The following IL5RA variants were observed in gnomAD, a reference collection of about 807,000 sequenced individuals.
The protein encoded by IL5RA is interleukin 5 receptor subunit alpha, also known as interleukin-5 receptor subunit alpha.
IL5RA carries 49 observed loss-of-function variants against 50.0 expected under a neutral mutation model. The observed-to-expected ratio is 0.98, with a 90% CI of 0.78 to 1.24. The LOEUF is 1.24. IL5RA is among the 50% of genes most tolerant of loss of function. IL5RA has a pLI of 0.00. For missense variants in IL5RA, 600 were observed against 500.4 expected (o/e 1.20, Z -1.90); for synonymous variants, 202 against 174.0 (o/e 1.16, Z -1.26).
chr3:3,079,202 C>G (rs1263751194), intron 9 of IL5RA, among the ~76,000 whole-genome samples: 1 of 152,138 alleles, frequency 6.6e-6, no homozygotes, highest in African/African-American at 2.4e-5. Context: ...GAAGTCTTTT[C>G]CCAGGTTTTT....
intron 2 of IL5RA, among the ~76,000 whole-genome samples, chr3:3,105,793 G>A (rs1703894205): frequency 6.6e-6 from 1 of 152,224 alleles, no homozygotes; most frequent in Non-Finnish European, 1.5e-5. Flanking sequence ...CAAAAGTCTC[G>A]GCATCCTGTT....
intron 7 of IL5RA, among the ~76,000 whole-genome samples, chr3:3,096,732 A>T (rs1426620354): frequency 6.6e-6 from 1 of 152,214 alleles, no homozygotes; most frequent in Non-Finnish European, 1.5e-5. Context: ...TAAGAAATAT[A>T]TTACTGGAGA....
chr3:3,097,798 T>A (rs1171358664), intron 7 of IL5RA, 72 bp downstream of exon 7: 2 of 1,495,844 alleles, frequency 1.3e-6, no homozygotes, highest in Non-Finnish European at 1.8e-6. Context: ...CTAGGTGATC[T>A]TTATAACCCT....
rs1194836677 is a variant in IL5RA at position 3,092,103 on chromosome 3, A to C, written c.994+121T>G. ...TGAAAAGGCAGTAGACCGAGAGAAA[A>C]TTAGTCACAATAGAGATATGAAACC... On this transcript the variant is annotated intron_variant, in intron 9 of 11. Transcript: ENST00000446632. This position sits in a 1 kb window ranked among gnomAD's most constrained non-coding sequence, Gnocchi z 4.2. 2.0e-6 allele frequency: 3 copies of C among 1,464,410 alleles called. No homozygotes were observed. Among genetic ancestry groups the C allele is most frequent in the Non-Finnish European group, 2.7e-6 (3 of 1,114,060 alleles). 90.7% of individuals were successfully genotyped at this position (1,464,410 alleles called of 1,614,324 possible).
At chr3:3,101,959 A>G (rs569389771) in intron 4 of IL5RA, 129 bp from the exon 5 acceptor site, 2 of 804,848 alleles carry the variant, frequency 2.5e-6, no homozygotes, top group Admixed American at 3.1e-5. Context: ...GTTTTGCTAG[A>G]AAAAAAGTCA....
chr3:3,079,281 G>A (rs17880040), intron 9 of IL5RA, among the ~76,000 whole-genome samples: 2,098 of 152,196 alleles, frequency 0.014, 40 homozygotes, highest in African/African-American at 0.048. Context: ...AAACCTGCTC[G>A]GATGTTTCTC....
intron 11 of IL5RA, chr3:3,073,933 C>T: frequency 7.0e-6 from 2 of 285,842 alleles, no homozygotes; most frequent in South Asian, 6.3e-5. Flanking sequence ...ATTGTATTGG[C>T]ATAAAGATAG....
At chr3:3,103,019 C>G in intron 3 of IL5RA, 199 bp from the exon 4 acceptor site, 1 of 443,082 alleles carries the variant, frequency 2.3e-6, no homozygotes, top group Non-Finnish European at 4.0e-6. Context: ...GGACTACAGG[C>G]GCATGCCACC....
In IL5RA at chr3:3,076,497, C is replaced by A. The variant is rs371719318; in HGVS notation, c.1091+34G>T. ...CCTGTAAAAATGCAGTACTGAAACC[C>A]CACTGCAAGCACGCAAATGTAAAGA... is the stretch of plus-strand genomic sequence containing the variant. On this transcript the variant is annotated intron_variant, in intron 10 of 11. Transcript: ENST00000446632. 3.2e-5 allele frequency: 43 copies of A among 1,325,784 alleles called. No homozygotes were observed. The East Asian group carries it at 4.4e-4, about 13-fold the overall frequency. The allele number at this position is 1,325,784 out of a possible 1,614,324, so 82.1% of individuals were successfully genotyped here.
In IL5RA at chr3:3,101,700, G is replaced by A. The variant is rs756791707; in HGVS notation, c.359C>T (p.Ala120Val). 2.2e-5 allele frequency: 35 copies of A among 1,613,678 alleles called. No homozygotes were observed. Among genetic ancestry groups the A allele is most frequent in the Middle Eastern group, 1.6e-4 (1 of 6,070 alleles). ...ASSWASAELH[A>V]PPGSPGTSIV... The stretch of plus-strand genomic sequence containing the variant: ...TTGGAGGCCTGCTTTACCTGGTGGG[G>A]CATGAAGTTCAGCAGAAGCCCAGCT... Residue 120 changes from alanine to valine, a missense_variant, in exon 5 of 12, where the codon GCC (alanine) becomes GTC (valine). Physicochemically the swap from Ala to Val is moderately conservative, Grantham distance 64. Coordinates refer to ENST00000446632, the MANE Select transcript of IL5RA (RefSeq NM_175726.4).
At chr3:3,104,414 C>T (rs1178825836) in intron 3 of IL5RA, among the ~76,000 whole-genome samples, 2 of 152,188 alleles carry the variant, frequency 1.3e-5, no homozygotes, top group Non-Finnish European at 2.9e-5. Flanking sequence ...TGGCTAGTGG[C>T]TACTGCATTG....
In IL5RA at chr3:3,092,952, A is replaced by C. The variant is rs1574996248; in HGVS notation, c.856-590T>G. ...TTAGCTCTTATTATCTTTTGCTTGG[A>C]CCTTTGCAGTAGCCGCTAACTGATA... On this transcript the variant is annotated intron_variant, in intron 8 of 11. Coordinates refer to ENST00000446632, the MANE Select transcript of IL5RA (RefSeq NM_175726.4). The surrounding 1 kb of genome is among the most constrained non-coding windows in gnomAD (Gnocchi z 4.2). 6.6e-6 allele frequency among the ~76,000 whole-genome samples: 1 copy of C among 151,624 alleles called. No individual in the cohort carries two copies. The highest frequency in any genetic ancestry group is 2.4e-5 in the African/African-American group (1 of 41,240).
At chr3:3,106,064 T>G (rs750858156) in intron 2 of IL5RA, among the ~76,000 whole-genome samples, 23 of 152,154 alleles carry the variant, frequency 1.5e-4, no homozygotes, top group Non-Finnish European at 2.9e-5. Flanking sequence ...TCCATGGACG[T>G]TATTCCTACC....
At chr3:3,089,415 G>C (rs1702999754) in intron 9 of IL5RA, among the ~76,000 whole-genome samples, 1 of 152,212 alleles carries the variant, frequency 6.6e-6, no homozygotes, top group South Asian at 2.1e-4. Flanking sequence ...CTGTGTGTCA[G>C]ATCGGAGTCA....
At position 3,067,425 on chromosome 3, in the gene IL5RA, T is replaced by C. The variant is rs1214371945; in HGVS notation, c.*2800A>G. On this transcript the variant is annotated 3_prime_UTR_variant, in exon 12 of 12. Coordinates refer to ENST00000446632, the MANE Select transcript of IL5RA (RefSeq NM_175726.4). ...ATTTATATTTTCTTAAGTCAGATAC[T>C]GTCCTAGACACTGCAGATAAAAAGA... 1 of 152,248 alleles carries C rather than the reference T, an allele frequency of 6.6e-6. No homozygotes were observed. The highest frequency in any genetic ancestry group is 2.4e-5 in the African/African-American group (1 of 41,466). 9.4% of individuals were successfully genotyped at this position (152,248 alleles called of 1,614,324 possible). A position where few individuals can be genotyped will look rare whatever the true frequency, so the allele number is the denominator to read the frequency against.
At position 3,092,342 on chromosome 3, in the gene IL5RA, A is replaced by G; in HGVS notation, c.876T>C (p.Asn292=). 1.2e-6 allele frequency: 2 copies of G among 1,613,634 alleles called. No individual in the cohort carries two copies. Among genetic ancestry groups the G allele is most frequent in the Non-Finnish European group, 1.7e-6 (2 of 1,179,894 alleles). ...GATCATCAATTATTGAGATGAATGC[A>G]TTGGTCATCAATTTTTCTATCTAAG... ...GYLQIEKLMT[N]AFISIIDDLS... Residue 292 remains asparagine (N), a synonymous_variant, in exon 9 of 12, where the codon AAT becomes AAC. Coordinates refer to ENST00000446632, the MANE Select transcript of IL5RA (RefSeq NM_175726.4). The surrounding 1 kb of genome is among the most constrained non-coding windows in gnomAD (Gnocchi z 4.2).
intron 11 of IL5RA, among the ~76,000 whole-genome samples, chr3:3,074,146 A>G (rs1702396469): frequency 6.6e-6 from 1 of 152,258 alleles, no homozygotes; most frequent in African/African-American, 2.4e-5. Context: ...CAGGCCTAAG[A>G]AAATGCATAT....
At chr3:3,079,480 C>T (rs532448158) in intron 9 of IL5RA, among the ~76,000 whole-genome samples, 3 of 152,176 alleles carry the variant, frequency 2.0e-5, no homozygotes, top group Non-Finnish European at 4.4e-5. Flanking sequence ...GTCGTCACTG[C>T]GTACCCAGTG....
At chr3:3,102,854 G>A (rs1340890300) in intron 3 of IL5RA, 34 bp from the exon 4 acceptor site, 1 of 1,578,118 alleles carries the variant, frequency 6.3e-7, no homozygotes, top group Non-Finnish European at 8.6e-7. Flanking sequence ...ACAACACAAT[G>A]TTCAACTGGA....
Sources: allele counts gnomAD v4.1 joint callset (sites outside exome capture counted in the v4.1 genomes callset), GRCh38; gene constraint gnomAD v4.1.1; non-coding constraint Gnocchi (gnomAD v3.1); transcripts MANE v1.5; gene names NCBI Gene and HGNC (gene_info 2026-07-23, HGNC 2026-07-21).